PRELID2: variants seen among roughly 807,000 people sequenced by gnomAD.
The protein encoded by PRELID2 is PRELI domain-containing protein 2.
Under a neutral mutation model 28.4 loss-of-function variants are expected in PRELID2, and 25 were observed. The observed-to-expected ratio is 0.88, with a 90% confidence interval of 0.64 to 1.23. The LOEUF (loss-of-function observed/expected upper bound fraction) is 1.23, where lower values mean the gene tolerates loss of function less well. Ranked by LOEUF, PRELID2 falls within the 50% of genes most tolerant of loss-of-function variation. PRELID2 has a pLI of 0.00. For synonymous variants in PRELID2, 76 were observed against 71.6 expected (o/e 1.06, Z -0.31); for missense variants, 201 against 214.4 (o/e 0.94, Z 0.39).
Position 145,688,841 on chromosome 5 carries a change from A to G in PRELID2, n.70+76090T>C, listed in dbSNP as rs183201652. Among the ~76,000 whole-genome samples, 51 of 152,354 alleles carry G rather than the reference A, an allele frequency of 3.3e-4. 1 individual carries two copies. The highest frequency in any genetic ancestry group is 1.2e-3 in the African/African-American group (49 of 41,590). On this transcript the variant is annotated intron_variant and non_coding_transcript_variant, in intron 1 of 2. Coordinates refer to the PRELID2 transcript ENST00000510259. ...AATGGGAAGCCAATATTAATTTTCT[A>G]TCAGAATGATCTTCAGGCTTCATTG...
the PRELID2 span, among the ~76,000 whole-genome samples, chr5:145,460,824 A>G: frequency 6.6e-6 from 1 of 152,238 alleles, no homozygotes; most frequent in Non-Finnish European, 1.5e-5. Context: ...CACTGTTGGC[A>G]GCTCCATGAT....
the PRELID2 span, among the ~76,000 whole-genome samples, chr5:145,304,675 AT>A: frequency 2.0e-5 from 3 of 151,978 alleles, no homozygotes; most frequent in Non-Finnish European, 1.5e-5. Flanking sequence ...TTGCTGCCCC[AT>A]TTTTTTCAAC....
At chr5:145,612,863 T>G (rs557038652) in intron 1 of PRELID2, among the ~76,000 whole-genome samples, 165 of 152,328 alleles carry the variant, frequency 1.1e-3, no homozygotes, top group African/African-American at 3.7e-3. Flanking sequence ...TGTTGATTGG[T>G]GGACATTTGG....
chr5:145,830,323 T>G (rs1161268924), intron 1 of PRELID2, among the ~76,000 whole-genome samples: 1 of 152,192 alleles, frequency 6.6e-6, no homozygotes, highest in Non-Finnish European at 1.5e-5. Context: ...CTGGCCTCAT[T>G]TAGATATAAA....
intron 5 of PRELID2, among the ~76,000 whole-genome samples, chr5:145,767,148 A>AT (rs1218680238): frequency 1.2e-5 from 1 of 81,124 alleles, no homozygotes; most frequent in East Asian, 4.2e-4. Context: ...CCCTGTACCC[A>AT]TAAAAACCCC....
the PRELID2 span, among the ~76,000 whole-genome samples, chr5:145,244,809 C>T: frequency 2.6e-5 from 4 of 151,824 alleles, no homozygotes; most frequent in East Asian, 7.7e-4. Flanking sequence ...TTAATTTCAC[C>T]CTAATTTTCT....
Position 145,743,005 on chromosome 5 carries a change from A to T in PRELID2, n.70+21926T>A, listed in dbSNP as rs570162782. Among the ~76,000 whole-genome samples, 3 of 152,272 alleles carry T rather than the reference A, an allele frequency of 2.0e-5. No homozygotes were observed. In the East Asian group the frequency reaches 5.8e-4, roughly 29 times the overall value. ...TTTCTCAAAAAATATAAATTACTTC[A>T]ACTTATCCAATATGAAATAGAACAT... On this transcript the variant is annotated intron_variant and non_coding_transcript_variant, in intron 1 of 2. Coordinates refer to the PRELID2 transcript ENST00000510259.
intron 1 of PRELID2, among the ~76,000 whole-genome samples, chr5:145,667,179 A>G (rs1436480034): frequency 6.6e-6 from 1 of 151,708 alleles, no homozygotes; most frequent in Admixed American, 6.6e-5. Context: ...AGATTGTATG[A>G]ATATTAGCCT....
intron 1 of PRELID2, among the ~76,000 whole-genome samples, chr5:145,693,693 G>A (rs112416587): frequency 0.026 from 3,916 of 152,220 alleles, 179 homozygotes; most frequent in African/African-American, 0.088. Context: ...AGAATGGCTT[G>A]AGCCCAAGAG....
chr5:145,651,669 C>T (rs1015558016), intron 1 of PRELID2, among the ~76,000 whole-genome samples: 26 of 152,316 alleles, frequency 1.7e-4, no homozygotes, highest in Non-Finnish European at 3.4e-4. Context: ...CCTTCACAAA[C>T]TCCAACAGAC....
intron 1 of PRELID2, among the ~76,000 whole-genome samples, chr5:145,630,070 T>C (rs907260240): frequency 6.6e-6 from 1 of 152,174 alleles, no homozygotes; most frequent in African/African-American, 2.4e-5. Context: ...TGTTTTAGCA[T>C]ATTCAGACTC....
intron 1 of PRELID2, among the ~76,000 whole-genome samples, chr5:145,547,358 C>A (rs1012633618): frequency 3.3e-5 from 5 of 152,070 alleles, no homozygotes; most frequent in African/African-American, 1.2e-4. Flanking sequence ...TCTTCTGTAG[C>A]TCTGTACTCA....
At chr5:145,796,051 G>A (rs891916326) in intron 5 of PRELID2, 14 of 153,104 alleles carry the variant, frequency 9.1e-5, no homozygotes, top group African/African-American at 3.4e-4. Context: ...AGGATTCAAT[G>A]AGTTAATAAT....
At chr5:145,557,343 A>C (rs1339713147) in intron 1 of PRELID2, among the ~76,000 whole-genome samples, 1 of 152,190 alleles carries the variant, frequency 6.6e-6, no homozygotes, top group African/African-American at 2.4e-5. Context: ...AGGGAGCTTG[A>C]GTTAGTTGGG....
the PRELID2 span, among the ~76,000 whole-genome samples, chr5:145,432,366 C>T: frequency 6.7e-5 from 10 of 148,346 alleles, no homozygotes; most frequent in Non-Finnish European, 8.9e-5. Context: ...CCAATTCAGT[C>T]TTCTGAGTCA....
the PRELID2 span, among the ~76,000 whole-genome samples, chr5:145,359,825 T>A: frequency 4.6e-5 from 7 of 152,196 alleles, no homozygotes; most frequent in Non-Finnish European, 8.8e-5. Context: ...GCTTGCATGT[T>A]AAGTTATAAA....
At chr5:145,687,550 G>C (rs181589513) in intron 1 of PRELID2, among the ~76,000 whole-genome samples, 1 of 152,252 alleles carries the variant, frequency 6.6e-6, no homozygotes, top group East Asian at 1.9e-4. Flanking sequence ...TGCTATAAAG[G>C]ACATGATTAA....
intron 1 of PRELID2, among the ~76,000 whole-genome samples, chr5:145,641,392 T>C (rs935494669): frequency 6.6e-6 from 1 of 152,094 alleles, no homozygotes; most frequent in Non-Finnish European, 1.5e-5. Flanking sequence ...ATGGTAAACT[T>C]TGTTAAGATA....
At chr5:145,373,426 T>C in the PRELID2 span, among the ~76,000 whole-genome samples, 12 of 55,746 alleles carry the variant, frequency 2.2e-4, no homozygotes, top group South Asian at 0.016. Flanking sequence ...ATATAATATA[T>C]ATGATATTAT....
Sources: gnomAD v4.1 joint callset for allele counts (sites outside exome capture counted in the v4.1 genomes callset) on GRCh38, gnomAD v4.1.1 for gene constraint, MANE v1.5 for transcripts, NCBI Gene and HGNC (gene_info 2026-07-23, HGNC 2026-07-21) for gene names.